The following DGKB variants were observed in gnomAD, a reference collection of about 807,000 sequenced individuals.
DGKB encodes the protein 90 kDa diacylglycerol kinase.
In DGKB, 67 loss-of-function variants were observed where a neutral mutation model predicts 114.3. The ratio of observed to expected loss-of-function variants is 0.59; its 90% CI spans 0.48 to 0.72. The LOEUF is 0.72. DGKB is among the 30% of genes least tolerant of loss of function. DGKB has a pLI of 0.00. For missense variants in DGKB, 907 were observed against 975.2 expected, an observed-to-expected ratio of 0.93 and a Z score of 0.93; for synonymous variants, 398 against 323.1, an observed-to-expected ratio of 1.23 and a Z score of -2.49.
intron 21 of DGKB, among the ~76,000 whole-genome samples, chr7:14,468,046 T>C (rs1780732760): frequency 6.6e-6 from 1 of 152,176 alleles, no homozygotes; most frequent in African/African-American, 2.4e-5. Context: ...AGCATTCTTA[T>C]TATATTATTG....
intron 20 of DGKB, among the ~76,000 whole-genome samples, chr7:14,531,902 A>G (rs543244241): frequency 1.3e-5 from 2 of 151,446 alleles, no homozygotes; most frequent in South Asian, 4.1e-4. Context: ...TGAGAAGGGC[A>G]TCAAACAATT....
chr7:14,447,626 T>A (rs1200525901), intron 21 of DGKB, among the ~76,000 whole-genome samples: 1 of 152,114 alleles, frequency 6.6e-6, no homozygotes, highest in Non-Finnish European at 1.5e-5. Context: ...TTTTTTAAAT[T>A]TTCTCCATCA....
intron 21 of DGKB, among the ~76,000 whole-genome samples, chr7:14,395,480 T>A (rs891044858): frequency 6.6e-6 from 1 of 151,934 alleles, no homozygotes; most frequent in African/African-American, 2.4e-5. Context: ...AAAAATTTCA[T>A]TTTATGTTTA....
intron 20 of DGKB, among the ~76,000 whole-genome samples, chr7:14,491,049 C>T (rs1784525963): frequency 6.6e-6 from 1 of 151,596 alleles, no homozygotes; most frequent in African/African-American, 2.4e-5. Flanking sequence ...TATGCAGCTC[C>T]CTAGAAGTGA....
chr7:14,870,593 T>C (rs190289931), intron 1 of DGKB, among the ~76,000 whole-genome samples: 31 of 152,158 alleles, frequency 2.0e-4, no homozygotes, highest in African/African-American at 7.0e-4. Flanking sequence ...ATCAGGCGTT[T>C]GAGATCAGCC....
Position 14,338,625 on chromosome 7 carries a change from T to C in DGKB, c.2012A>G (p.Asn671Ser). Residue 671 changes from asparagine (N) to serine (S), a missense_variant, in exon 23 of 26, where the codon AAT (asparagine) becomes AGT (serine). Transcript: ENST00000402815. ...LNIPSMHGGS[N>S]LWGESKKRRS... is the part of the protein sequence containing the mutation. ...TCTTTTCTTAGACTCTCCCCAAAGA[T>C]TGGATCCTCCATGCATGCTTGGTAT... is the stretch of plus-strand genomic sequence containing the variant. The C allele has an allele frequency of 6.2e-7, 1 of 1,610,348 alleles. No individual in the cohort carries two copies. Among genetic ancestry groups the C allele is most frequent in the Non-Finnish European group, 8.5e-7 (1 of 1,177,796 alleles).
chr7:14,730,655 T>C (rs371454719), intron 5 of DGKB, among the ~76,000 whole-genome samples: 2 of 152,240 alleles, frequency 1.3e-5, no homozygotes. Context: ...TTCATGGCCA[T>C]GGAACTCTGA....
intron 2 of DGKB, among the ~76,000 whole-genome samples, chr7:14,771,134 A>G (rs945234323): frequency 6.6e-6 from 1 of 152,140 alleles, no homozygotes; most frequent in Non-Finnish European, 1.5e-5. Flanking sequence ...CCATCTGGTT[A>G]AAGTAAATTT....
intron 23 of DGKB, among the ~76,000 whole-genome samples, chr7:14,188,659 CAAAAA>C (rs35808078): frequency 5.9e-5 from 2 of 34,088 alleles, no homozygotes; most frequent in African/African-American, 1.8e-4. Flanking sequence ...GACTCCGTCT[CAAAAA>C]AAAAAAAAAA....
At chr7:14,903,651 G>T (rs1039187842), upstream of DGKB, among the ~76,000 whole-genome samples, 8 of 152,186 alleles carry the variant, frequency 5.3e-5, no homozygotes, top group Non-Finnish European at 1.2e-4. Context: ...CTCGGAGCAG[G>T]TGACTGGAGG....
intron 2 of DGKB, among the ~76,000 whole-genome samples, chr7:14,814,828 A>T (rs1027902234): frequency 1.3e-5 from 2 of 152,154 alleles, no homozygotes; most frequent in African/African-American, 2.4e-5. Flanking sequence ...AACTTTATTC[A>T]TTTAACCCTT....
intron 23 of DGKB, among the ~76,000 whole-genome samples, chr7:14,214,830 T>TAAG (rs1788697767): frequency 6.6e-6 from 1 of 152,134 alleles, no homozygotes; most frequent in Admixed American, 6.6e-5. Context: ...TTCAAATGAA[T>TAAG]AAGACTAAGG....
chr7:14,727,367 A>G (rs1266704448), intron 5 of DGKB, among the ~76,000 whole-genome samples: 2 of 152,200 alleles, frequency 1.3e-5, no homozygotes, highest in Non-Finnish European at 2.9e-5. Context: ...TGTTAAAAAC[A>G]GGACCACAAA....
chr7:14,170,134 C>CAAAAAAA (rs762339951), intron 25 of DGKB, among the ~76,000 whole-genome samples: 1 of 33,072 alleles, frequency 3.0e-5, no homozygotes, highest in African/African-American at 1.1e-4. Flanking sequence ...AACTCCATCT[C>CAAAAAAA]AAAAAAAAAA....
chr7:14,946,032 AT>A (rs1190773498), intron 1 of DGKB, among the ~76,000 whole-genome samples: 1 of 151,388 alleles, frequency 6.6e-6, no homozygotes, highest in Non-Finnish European at 1.5e-5. Flanking sequence ...AAATGAATAT[AT>A]ATTAAACATC....
intron 17 of DGKB, among the ~76,000 whole-genome samples, chr7:14,600,043 C>T (rs932287242): frequency 1.3e-4 from 20 of 152,248 alleles, no homozygotes; most frequent in South Asian, 4.1e-4. Context: ...GTATTTATTT[C>T]TCACATTTCT....
chr7:14,908,633 G>A (rs1447710175), intron 1 of DGKB, among the ~76,000 whole-genome samples: 1 of 152,024 alleles, frequency 6.6e-6, no homozygotes, highest in Non-Finnish European at 1.5e-5. Context: ...GGCTGAGTTG[G>A]GGAGGGCCTG....
intron 20 of DGKB, among the ~76,000 whole-genome samples, chr7:14,534,486 G>C (rs890002043): frequency 4.0e-5 from 6 of 151,896 alleles, no homozygotes; most frequent in Admixed American, 3.3e-4. Flanking sequence ...TGAATTAAAC[G>C]GTTTAATCAA....
chr7:14,545,257 G>A (rs539878001), intron 20 of DGKB, among the ~76,000 whole-genome samples: 79 of 152,118 alleles, frequency 5.2e-4, no homozygotes, highest in African/African-American at 1.8e-3. Flanking sequence ...AATGATTAAG[G>A]GTGAGAGACT....
Sources: allele counts gnomAD v4.1 joint callset (sites outside exome capture counted in the v4.1 genomes callset), GRCh38; gene constraint gnomAD v4.1.1; transcripts MANE v1.5; gene names NCBI Gene and HGNC (gene_info 2026-07-23, HGNC 2026-07-21).